CD47: variants seen among roughly 807,000 people sequenced by gnomAD.
CD47 encodes the protein leukocyte surface antigen CD47.
In CD47, 11 loss-of-function variants were observed where a neutral mutation model predicts 44.6. The observed-to-expected ratio is 0.25, with a 90% confidence interval of 0.16 to 0.41. The LOEUF (loss-of-function observed/expected upper bound fraction) is 0.41, where lower values mean the gene tolerates loss of function less well. Ranked by LOEUF, CD47 falls within the 10% of genes least tolerant of loss-of-function variation. The pLI, the probability that CD47 is intolerant of heterozygous loss-of-function variation, is 1.00. For missense variants in CD47, 306 were observed against 386.7 expected (o/e 0.79, Z 1.75); for synonymous variants, 140 against 136.3 (o/e 1.03, Z -0.19).
chr3:108,086,180 G>C (rs2079517833), intron 1 of CD47, among the ~76,000 whole-genome samples: 1 of 151,898 alleles, frequency 6.6e-6, no homozygotes, highest in Admixed American at 6.6e-5. Context: ...AAATTCTAAA[G>C]GGCTTCCTTG....
In CD47 at chr3:108,055,236, C is replaced by T. The variant is rs534034648; in HGVS notation, c.877+2241G>A. 4.6e-5 allele frequency among the ~76,000 whole-genome samples: 7 copies of T among 152,148 alleles called. No homozygotes were observed. The East Asian group carries it at 1.2e-3, about 25-fold the overall frequency. On this transcript the variant is annotated intron_variant, in intron 7 of 10. Coordinates refer to ENST00000361309, the MANE Select transcript of CD47 (RefSeq NM_001777.4). ...ATTATAAAAGTTAAAAATCTCATAG[C>T]GACATTAACTTCTTCTTGAAGAGAA...
intron 3 of CD47, 27 bp from the exon 4 acceptor site, chr3:108,060,879 A>G: frequency 2.1e-6 from 3 of 1,448,728 alleles, no homozygotes; most frequent in Non-Finnish European, 2.9e-6. Context: ...AAAGAATTAT[A>G]TGAACTCAAT....
chr3:108,084,048 T>C (rs1387467491), intron 1 of CD47, among the ~76,000 whole-genome samples: 1 of 151,960 alleles, frequency 6.6e-6, no homozygotes, highest in Non-Finnish European at 1.5e-5. Context: ...AAGGTGTTGT[T>C]TTTGTGTGTG....
rs563916966 is a variant in CD47, at chr3:108,090,830, C to T, written c.46+33G>A. The T allele has an allele frequency of 7.1e-4, 1,042 of 1,463,558 alleles. 3 individuals are homozygous for T. The African/African-American group carries it at 0.013, about 18-fold the overall frequency. 90.7% of individuals were successfully genotyped at this position (1,463,558 alleles called of 1,614,324 possible). A position where few individuals can be genotyped will look rare whatever the true frequency, so the allele number is the denominator to read the frequency against. On this transcript the variant is annotated intron_variant, in intron 1 of 10. Coordinates refer to ENST00000361309, the MANE Select transcript of CD47 (RefSeq NM_001777.4). ...CACGCCCGCGGGGGCGAAGCGACAG[C>T]AGCCGCAGGGCTGGGAGCGAGGAGC...
rs765417401 is a variant in CD47, at chr3:108,043,195, T to C, written c.*4093A>G. ...TTAATATTTTAAATCATTCTTTACA[T>C]TGTTACCTAGAATATAAGCAACTTA... On this transcript the variant is annotated 3_prime_UTR_variant, in exon 11 of 11. Transcript: ENST00000361309. 9.2e-5 allele frequency: 14 copies of C among 152,642 alleles called. No homozygotes were observed. Among genetic ancestry groups the C allele is most frequent in the Non-Finnish European group, 1.6e-4 (11 of 68,046 alleles). The allele number at this position is 152,642 out of a possible 1,614,324, so 9.5% of individuals were successfully genotyped here. A position where few individuals can be genotyped will look rare whatever the true frequency, so the allele number is the denominator to read the frequency against.
chr3:108,078,409 A>G (rs955618783), intron 2 of CD47, among the ~76,000 whole-genome samples: 16 of 152,002 alleles, frequency 1.1e-4, no homozygotes, highest in Admixed American at 8.5e-4. Context: ...CTGGCCTTTC[A>G]AATCTCATAT....
chr3:108,075,386 A>C (rs1357402607), intron 2 of CD47, among the ~76,000 whole-genome samples: 1 of 152,154 alleles, frequency 6.6e-6, no homozygotes, highest in Non-Finnish European at 1.5e-5. Flanking sequence ...AAGTGAAGAC[A>C]CCATTCCTAT....
intron 2 of CD47, among the ~76,000 whole-genome samples, chr3:108,077,716 A>G (rs1378137298): frequency 6.6e-6 from 1 of 152,148 alleles, no homozygotes; most frequent in Non-Finnish European, 1.5e-5. Flanking sequence ...CTCAGCAAAA[A>G]AAAAAGTAAG....
At chr3:108,055,971 G>A (rs1314256257) in intron 7 of CD47, among the ~76,000 whole-genome samples, 1 of 152,144 alleles carries the variant, frequency 6.6e-6, no homozygotes, top group Non-Finnish European at 1.5e-5. Context: ...TAAAAGGGAG[G>A]ACAACCCAGA....
chr3:108,057,516 G>C lies in CD47; in HGVS notation c.838C>G (p.Leu280Val), dbSNP rs577689017. The C allele has an allele frequency of 3.2e-6, 5 of 1,583,286 alleles. No homozygotes were observed. The South Asian group carries it at 5.5e-5, about 18-fold the overall frequency. ...TAAACTAGTCCAAGTAATTGTGCTA[G>C]AGCTAAGATACTCAAACCTGAAATC... ...LLISGLSILA[L>V]AQLLGLVYMK... Residue 280 changes from leucine (L) to valine (V), a missense_variant, in exon 7 of 11, where the codon CTA (leucine) becomes GTA (valine). Coordinates refer to ENST00000361309, the MANE Select transcript of CD47 (RefSeq NM_001777.4).
At chr3:108,069,069 G>A (rs535565049) in intron 3 of CD47, among the ~76,000 whole-genome samples, 61 of 152,216 alleles carry the variant, frequency 4.0e-4, no homozygotes, top group African/African-American at 1.4e-3. Flanking sequence ...AGATTTTAGC[G>A]TTATAATATC....
At chr3:108,077,959 G>C (rs1302529721) in intron 2 of CD47, among the ~76,000 whole-genome samples, 1 of 152,040 alleles carries the variant, frequency 6.6e-6, no homozygotes, top group East Asian at 1.9e-4. Context: ...TGTTATGATG[G>C]ATAGGTCTAT....
chr3:108,082,619 AG>A, intron 1 of CD47, among the ~76,000 whole-genome samples: 1 of 152,102 alleles, frequency 6.6e-6, no homozygotes, highest in Middle Eastern at 3.4e-3. Context: ...CTTAAAAAAA[AG>A]AGGTACGAAT....
chr3:108,044,299 C>T lies in CD47; in HGVS notation c.*2989G>A, dbSNP rs1030162401. 2.0e-5 allele frequency: 3 copies of T among 151,720 alleles called. No homozygotes were observed. Among genetic ancestry groups the T allele is most frequent in the Admixed American group, 6.6e-5 (1 of 15,182 alleles). 9.4% of individuals were successfully genotyped at this position (151,720 alleles called of 1,614,324 possible). On this transcript the variant is annotated 3_prime_UTR_variant, in exon 11 of 11. Coordinates refer to ENST00000361309, the MANE Select transcript of CD47 (RefSeq NM_001777.4). ...CTGAAAAAAGAAATATTTCCAATTA[C>T]GGGATAGCCCTGTTATTTTAATTCT...
intron 5 of CD47, among the ~76,000 whole-genome samples, 182 bp from the exon 6 acceptor site, chr3:108,058,611 T>A (rs1474438345): frequency 6.6e-6 from 1 of 152,204 alleles, no homozygotes; most frequent in Non-Finnish European, 1.5e-5. Context: ...CAGCTCCAAA[T>A]TCACACATTC....
chr3:108,087,408 G>A (rs555646224), intron 1 of CD47, among the ~76,000 whole-genome samples: 4 of 152,170 alleles, frequency 2.6e-5, no homozygotes, highest in Admixed American at 2.6e-4. Context: ...AAAAAGGGCA[G>A]GGCAGTTTAA....
chr3:108,057,879 A>G (rs530167733), intron 6 of CD47, among the ~76,000 whole-genome samples: 1 of 152,356 alleles, frequency 6.6e-6, no homozygotes, highest in Admixed American at 6.5e-5. Flanking sequence ...TGGGTGCTAG[A>G]ACAATCAGCC....
intron 9 of CD47, among the ~76,000 whole-genome samples, chr3:108,049,880 A>G (rs2078795356): frequency 6.6e-6 from 1 of 152,160 alleles, no homozygotes; most frequent in Middle Eastern, 3.2e-3. Flanking sequence ...AAGAAAGAAA[A>G]TGAGATGTTT....
chr3:108,051,672 T>G, intron 8 of CD47: 1 of 582,192 alleles, frequency 1.7e-6, no homozygotes, highest in Admixed American at 1.9e-5. Context: ...AGAGATAATA[T>G]AGCCATTATT....
Sources: gnomAD v4.1 joint callset for allele counts (sites outside exome capture counted in the v4.1 genomes callset) on GRCh38, gnomAD v4.1.1 for gene constraint, MANE v1.5 for transcripts, NCBI Gene and HGNC (gene_info 2026-07-23, HGNC 2026-07-21) for gene names.